NEK5: variants seen among roughly 807,000 people sequenced by gnomAD.
NEK5 encodes serine/threonine-protein kinase Nek5.
NEK5 carries 88 observed loss-of-function variants against 109.2 expected under a neutral mutation model. The observed-to-expected ratio is 0.81, with a 90% confidence interval of 0.68 to 0.96. The LOEUF (loss-of-function observed/expected upper bound fraction) is 0.96, where lower values mean the gene tolerates loss of function less well. NEK5 is among the 40% of genes least tolerant of loss of function. The pLI, the probability that NEK5 is intolerant of heterozygous loss-of-function variation, is 0.00. For synonymous variants in NEK5, 283 were observed against 299.9 expected, an observed-to-expected ratio of 0.94 and a Z score of 0.58; for missense variants, 834 against 920.7, an observed-to-expected ratio of 0.91 and a Z score of 1.22.
chr13:52,053,765 T>C (rs1387283768), intron 22 of NEK5, among the ~76,000 whole-genome samples: 1 of 152,194 alleles, frequency 6.6e-6, no homozygotes, highest in African/African-American at 2.4e-5. Context: ...ATACCCTCCA[T>C]ACCAAACATC....
At chr13:52,105,503 GC>G (rs1955635213) in intron 8 of NEK5, among the ~76,000 whole-genome samples, 1 of 151,938 alleles carries the variant, frequency 6.6e-6, no homozygotes, top group Non-Finnish European at 1.5e-5. Flanking sequence ...ACAGGTGTGA[GC>G]CGCCTGCACC....
chr13:52,046,089 G>C (rs1396612996), intron 23 of NEK5, among the ~76,000 whole-genome samples: 1 of 147,658 alleles, frequency 6.8e-6, no homozygotes, highest in Non-Finnish European at 1.5e-5. Flanking sequence ...AAAAAAAAAA[G>C]TTGGATCCAC....
intron 21 of NEK5, 50 bp downstream of exon 21, chr13:52,065,434 C>T (rs768804337): frequency 4.3e-6 from 7 of 1,613,394 alleles, no homozygotes; most frequent in Middle Eastern, 1.6e-4. Context: ...CTGGGCTGTA[C>T]GGGTCCTTGG....
intron 4 of NEK5, among the ~76,000 whole-genome samples, chr13:52,115,020 T>C (rs1298107305): frequency 1.3e-5 from 2 of 151,794 alleles, no homozygotes; most frequent in African/African-American, 4.8e-5. Flanking sequence ...GATACCTTTT[T>C]TTTTTTTTTT....
chr13:52,120,589 T>G (rs1955948452), intron 3 of NEK5, among the ~76,000 whole-genome samples: 1 of 151,862 alleles, frequency 6.6e-6, no homozygotes, highest in South Asian at 2.1e-4. Flanking sequence ...ATATTCAATC[T>G]CATGCAGTAA....
chr13:52,126,774 G>A (rs1040193534), intron 3 of NEK5, among the ~76,000 whole-genome samples: 4 of 151,934 alleles, frequency 2.6e-5, no homozygotes, highest in South Asian at 2.1e-4. Flanking sequence ...GCGAGACTCC[G>A]TCTAAAAAAA....
At chr13:52,094,959 C>T (rs1955372183) in intron 12 of NEK5, among the ~76,000 whole-genome samples, 1 of 151,832 alleles carries the variant, frequency 6.6e-6, no homozygotes, top group Non-Finnish European at 1.5e-5. Context: ...ACTCTGTCAC[C>T]CAGCCTGCAG....
intron 11 of NEK5, among the ~76,000 whole-genome samples, chr13:52,101,492 A>G (rs1052982235): frequency 2.0e-5 from 3 of 152,224 alleles, no homozygotes; most frequent in Admixed American, 2.0e-4. Flanking sequence ...TACTGTTATC[A>G]ATTAGGCCCC....
chr13:52,110,473 G>T, intron 6 of NEK5, 21 bp downstream of exon 6: 1 of 1,598,080 alleles, frequency 6.3e-7, no homozygotes, highest in Non-Finnish European at 8.6e-7. Context: ...TTCTGTCTTA[G>T]TCTTCTCTCT....
rs201085254 is a variant in NEK5, at chr13:52,075,825, T to C, written c.1655A>G (p.Lys552Arg). Residue 552 changes from lysine (K) to arginine (R), a missense_variant and splice_region_variant, in exon 19 of 24, where the codon AAG becomes AGG. Lys to Arg is a conservative substitution (Grantham distance 26). Around this residue, in one of 2 missense-constraint regions of NEK5, gnomAD observed 777 missense variants for 824.7 expected, o/e 0.94. Transcript: ENST00000684899. ...TAAATTAATTTCAAATTTTACCCCC[T>C]TCTAGGAGAAAGCAAAAAAAAAAAA... ...KNPEQKYKAKKGVKFEINLDK... is the reference protein window; with the variant it reads ...KNPEQKYKAKRGVKFEINLDK... The C allele has an allele frequency of 2.6e-6, 4 of 1,525,604 alleles. No individual in the cohort carries two copies. The highest frequency in any genetic ancestry group is 3.5e-6 in the Non-Finnish European group (4 of 1,133,252). 94.5% of individuals were successfully genotyped at this position (1,525,604 alleles called of 1,614,324 possible). A position where few individuals can be genotyped will look rare whatever the true frequency, so the allele number is the denominator to read the frequency against.
At chr13:52,092,799 T>C (rs1955315845) in intron 13 of NEK5, among the ~76,000 whole-genome samples, 1 of 152,128 alleles carries the variant, frequency 6.6e-6, no homozygotes, top group Non-Finnish European at 1.5e-5. Flanking sequence ...GGCACGAGAA[T>C]CGCTTGAACT....
Position 52,093,183 on chromosome 13 carries a change from TA to T in NEK5, c.1078del (p.Tyr360IlefsTer9). 6.2e-7 allele frequency: 1 copy of T among 1,613,374 alleles called. No individual in the cohort carries two copies. The highest frequency in any genetic ancestry group is 1.1e-5 in the South Asian group (1 of 91,058). On this transcript the variant is annotated frameshift_variant, in exon 13 of 24. Coordinates refer to ENST00000684899, the MANE Select transcript of NEK5 (RefSeq NM_001365552.1). LOFTEE classifies it high-confidence loss of function. Reference sequence around the variant, plus strand: ...CAGCATATCAAGTTGAGCATAATAATAATCATAATGTCCACAGACAGCAGCA... The same window carrying T: ...CAGCATATCAAGTTGAGCATAATAATATCATAATGTCCACAGACAGCAGCA... The part of the protein sequence containing the change: ...KIAAVCGHYD[Y>X]YYAQLDMLRR...
chr13:52,112,914 C>T (rs953746213), intron 4 of NEK5, among the ~76,000 whole-genome samples: 3 of 152,226 alleles, frequency 2.0e-5, no homozygotes, highest in Non-Finnish European at 2.9e-5. Flanking sequence ...CTAAATACTA[C>T]TAGGCTCTCT....
At chr13:52,050,438 G>A (rs911834356) in intron 22 of NEK5, among the ~76,000 whole-genome samples, 3 of 152,088 alleles carry the variant, frequency 2.0e-5, no homozygotes, top group African/African-American at 7.2e-5. Flanking sequence ...CACTTTTGGG[G>A]TAGATGCTTT....
intron 16 of NEK5, among the ~76,000 whole-genome samples, chr13:52,084,190 T>G (rs989219637): frequency 1.3e-5 from 2 of 152,204 alleles, no homozygotes; most frequent in Admixed American, 1.3e-4. Flanking sequence ...CAACCATTTA[T>G]AAGTAGAACT....
chr13:52,042,018 T>C lies in NEK5; in HGVS notation c.2229-4800A>G, dbSNP rs182810579. ...TAAGAATGTAAGGAATTAAAAAAATTATAAAAGTATCAGGGAGAAAGTTAG... is the reference window on the plus strand; with the variant it reads ...TAAGAATGTAAGGAATTAAAAAAATCATAAAAGTATCAGGGAGAAAGTTAG... On this transcript the variant is annotated intron_variant, in intron 23 of 23. Coordinates refer to ENST00000684899, the MANE Select transcript of NEK5 (RefSeq NM_001365552.1). 4.5e-3 allele frequency among the ~76,000 whole-genome samples: 689 copies of C among 151,922 alleles called. 4 individuals carry two copies. The highest frequency in any genetic ancestry group is 0.016 in the African/African-American group (661 of 41,488).
intron 20 of NEK5, among the ~76,000 whole-genome samples, chr13:52,071,052 A>G (rs1017125895): frequency 2.6e-5 from 4 of 152,206 alleles, no homozygotes; most frequent in Admixed American, 2.6e-4. Context: ...TCTGAAGCCT[A>G]CACCACACTA....
At chr13:52,110,224 G>A (rs1306776180) in intron 7 of NEK5, 116 bp downstream of exon 7, 5 of 675,908 alleles carry the variant, frequency 7.4e-6, no homozygotes, top group Non-Finnish European at 1.0e-5. Context: ...TTTACATAAA[G>A]CTACCTAAAA....
At chr13:52,043,046 T>A in intron 23 of NEK5, among the ~76,000 whole-genome samples, 1 of 150,420 alleles carries the variant, frequency 6.6e-6, no homozygotes. Flanking sequence ...CATAACAAAA[T>A]CACAAAGAAA....
Sources: gnomAD v4.1 joint callset for allele counts (sites outside exome capture counted in the v4.1 genomes callset) on GRCh38, gnomAD v4.1.1 for gene constraint, gnomAD v4.1.1 regional missense constraint, MANE v1.5 for transcripts, NCBI Gene and HGNC (gene_info 2026-07-23, HGNC 2026-07-21) for gene names.